CAMTA1: variants seen among roughly 807,000 people sequenced by gnomAD.
CAMTA1 encodes calmodulin binding transcription activator 1.
In CAMTA1, 27 loss-of-function variants were observed where a neutral mutation model predicts 170.9. That is an observed-to-expected ratio of 0.16 (90% CI 0.12 to 0.22). The LOEUF (loss-of-function observed/expected upper bound fraction) is 0.22, where lower values mean the gene tolerates loss of function less well. Ranked by LOEUF, CAMTA1 falls within the 10% of genes least tolerant of loss-of-function variation. The pLI is 1.00. For missense variants in CAMTA1, 1,619 were observed against 2,217.2 expected (o/e 0.73, Z 5.42); for synonymous variants, 833 against 891.5 (o/e 0.93, Z 1.17).
At chr1:7,189,911 A>G (rs1018385860) in intron 4 of CAMTA1, among the ~76,000 whole-genome samples, 1 of 152,232 alleles carries the variant, frequency 6.6e-6, no homozygotes. Context: ...GGATAAAGAA[A>G]CTGTGGTGTG....
At chr1:7,096,631 C>T (rs1359561662) in intron 4 of CAMTA1, among the ~76,000 whole-genome samples, 1 of 152,194 alleles carries the variant, frequency 6.6e-6, no homozygotes, top group African/African-American at 2.4e-5. Flanking sequence ...TTGTCCCCTG[C>T]ATCTCATTAG....
chr1:7,282,830 T>C (rs1365399642), intron 5 of CAMTA1, among the ~76,000 whole-genome samples: 1 of 152,028 alleles, frequency 6.6e-6, no homozygotes, highest in Non-Finnish European at 1.5e-5. Context: ...TCAGGAACAA[T>C]GATAGTTTTC....
intron 5 of CAMTA1, among the ~76,000 whole-genome samples, chr1:7,368,594 T>C (rs1433143669): frequency 1.3e-5 from 2 of 152,152 alleles, no homozygotes; most frequent in Non-Finnish European, 1.5e-5. Context: ...GAGTTCCCGC[T>C]GTGTGCACCC....
chr1:7,411,844 G>T (rs2090785484), intron 5 of CAMTA1, among the ~76,000 whole-genome samples: 1 of 151,684 alleles, frequency 6.6e-6, no homozygotes, highest in South Asian at 2.1e-4. Flanking sequence ...GGCCATGTTG[G>T]TGTACTGCAA....
chr1:7,318,485 A>G (rs542813484), intron 5 of CAMTA1, among the ~76,000 whole-genome samples: 1 of 152,244 alleles, frequency 6.6e-6, no homozygotes, highest in South Asian at 2.1e-4. Context: ...CCTTGGTTAA[A>G]GAAAAATGTA....
At chr1:7,341,169 A>G (rs1359356001) in intron 5 of CAMTA1, among the ~76,000 whole-genome samples, 1 of 152,176 alleles carries the variant, frequency 6.6e-6, no homozygotes, top group Non-Finnish European at 1.5e-5. Flanking sequence ...GCTCTGGCTC[A>G]TGTTTGCTGG....
chr1:7,388,803 A>G (rs1270401559), intron 5 of CAMTA1, among the ~76,000 whole-genome samples: 1 of 152,174 alleles, frequency 6.6e-6, no homozygotes, highest in Non-Finnish European at 1.5e-5. Context: ...GGCAGCTCCC[A>G]TCCTGTCCCA....
chr1:6,892,918 G>A (rs555638217), intron 3 of CAMTA1, among the ~76,000 whole-genome samples: 2 of 151,766 alleles, frequency 1.3e-5, no homozygotes, highest in African/African-American at 2.4e-5. Context: ...GAGTAGATAG[G>A]TTTTCATGTT....
chr1:7,623,368 A>G (rs2095611920), intron 6 of CAMTA1, among the ~76,000 whole-genome samples: 1 of 152,166 alleles, frequency 6.6e-6, no homozygotes, highest in Non-Finnish European at 1.5e-5. Context: ...TGTTCCTCTA[A>G]AAGGCTGAGA....
At chr1:7,558,494 C>T (rs1356027115) in intron 6 of CAMTA1, among the ~76,000 whole-genome samples, 4 of 147,996 alleles carry the variant, frequency 2.7e-5, no homozygotes, top group Non-Finnish European at 4.4e-5. Flanking sequence ...ACTCGGCTCC[C>T]TTCTCCAGGG....
chr1:7,108,382 A>G (rs1202899189), intron 4 of CAMTA1, among the ~76,000 whole-genome samples: 1 of 152,204 alleles, frequency 6.6e-6, no homozygotes, highest in African/African-American at 2.4e-5. Context: ...TGGTGTATTC[A>G]TGATGATGAT....
intron 4 of CAMTA1, among the ~76,000 whole-genome samples, chr1:7,112,837 G>A (rs550945541): frequency 1.3e-5 from 2 of 152,296 alleles, no homozygotes; most frequent in Non-Finnish European, 2.9e-5. Flanking sequence ...TTGATCCCAC[G>A]GGCCATTTGT....
At chr1:7,755,430 T>TTTG (rs1239388650) in intron 21 of CAMTA1, among the ~76,000 whole-genome samples, 1 of 151,748 alleles carries the variant, frequency 6.6e-6, no homozygotes, top group Non-Finnish European at 1.5e-5. Context: ...ATCCCATTTC[T>TTTG]AAGTCATATG....
At position 7,374,943 on chromosome 1, in the gene CAMTA1, C is replaced by A. The variant is rs548761569; in HGVS notation, c.439-92887C>A. On this transcript the variant is annotated intron_variant, in intron 5 of 22. Transcript: ENST00000303635. The stretch of plus-strand genomic sequence containing the variant: ...CCCATATAGCCTTCACCCTACAATG[C>A]TTCTCGCTTTCAATGGCTGCACCCT... Among the ~76,000 whole-genome samples the A allele has an allele frequency of 5.3e-5, 8 of 152,344 alleles. No homozygotes were observed. The South Asian group carries it at 1.7e-3, about 32-fold the overall frequency.
chr1:7,318,841 C>T (rs1006548240), intron 5 of CAMTA1, among the ~76,000 whole-genome samples: 3 of 152,202 alleles, frequency 2.0e-5, no homozygotes, highest in Non-Finnish European at 2.9e-5. Context: ...GGAACATGCA[C>T]GTGCCTCTGG....
intron 6 of CAMTA1, among the ~76,000 whole-genome samples, chr1:7,492,548 AACAC>A (rs1301505505): frequency 6.6e-6 from 1 of 151,966 alleles, no homozygotes; most frequent in Non-Finnish European, 1.5e-5. Flanking sequence ...TGAGGGCTTG[AACAC>A]ACACACGCAC....
At chr1:7,683,084 A>T (rs1394375154) in intron 11 of CAMTA1, among the ~76,000 whole-genome samples, 1 of 151,540 alleles carries the variant, frequency 6.6e-6, no homozygotes, top group Non-Finnish European at 1.5e-5. Flanking sequence ...CTGAGGCAGG[A>T]GAATGGCTTG....
In CAMTA1 at chr1:6,887,743, T is replaced by A. The variant is rs1673628041; in HGVS notation, c.234+62533T>A. On this transcript the variant is annotated intron_variant, in intron 3 of 22. Transcript: ENST00000303635. The surrounding 1 kb of genome is among the most constrained non-coding windows in gnomAD (Gnocchi z 4.1). ...AGGGCTGACACATTGGAATGAAAGC[T>A]GGCAGAATTCGTAGGGAGAGCTTTC... The A allele has an allele frequency of 6.5e-7, 1 of 1,535,122 alleles. No individual in the cohort carries two copies. The highest frequency in any genetic ancestry group is 1.4e-5 in the African/African-American group (1 of 73,040).
At chr1:7,337,193 A>G (rs2083438459) in intron 5 of CAMTA1, among the ~76,000 whole-genome samples, 1 of 152,184 alleles carries the variant, frequency 6.6e-6, no homozygotes, top group Admixed American at 6.5e-5. Context: ...CAGTCCATCA[A>G]TACCTATCAC....
Sources: gnomAD v4.1 joint callset for allele counts (sites outside exome capture counted in the v4.1 genomes callset) on GRCh38, gnomAD v4.1.1 for gene constraint, Gnocchi (gnomAD v3.1) non-coding constraint, MANE v1.5 for transcripts, NCBI Gene and HGNC (gene_info 2026-07-23, HGNC 2026-07-21) for gene names.